Variants in HCN1 observed in about 807,000 individuals in gnomAD.
The protein encoded by HCN1 is hyperpolarization activated cyclic nucleotide gated potassium channel 1, also known as potassium/sodium hyperpolarization-activated cyclic nucleotide-gated channel 1.
HCN1 carries 13 observed loss-of-function variants against 78.9 expected under a neutral mutation model. The observed-to-expected ratio is 0.16, with a 90% confidence interval of 0.11 to 0.26. HCN1 has a LOEUF of 0.26. Among genes scored for constraint, HCN1 ranks in the 10% least tolerant of loss-of-function variants. The pLI is 1.00. For synonymous variants in HCN1, 552 were observed against 455.5 expected (o/e 1.21, Z -2.70); for missense variants, 810 against 1,154.3 (o/e 0.70, Z 4.32).
rs1031913850 is a variant in HCN1 at position 45,695,958 on chromosome 5, C to T, written c.136G>A (p.Gly46Ser). The T allele has an allele frequency of 4.5e-6, 6 of 1,329,806 alleles. No individual in the cohort carries two copies. The African/African-American group carries it at 4.7e-5, about 10-fold the overall frequency. 82.4% of individuals were successfully genotyped at this position (1,329,806 alleles called of 1,614,324 possible). A position where few individuals can be genotyped will look rare whatever the true frequency, so the allele number is the denominator to read the frequency against. The part of the protein sequence containing the change: ...EKRLGTPPGG[G>S]GAGAKEHGNS... Reference sequence around the variant, plus strand: ...CCGTGCTCCTTCGCGCCGGCCCCGCCGCCCCCCGGCGGGGTGCCCAGGCGC... The same window carrying T: ...CCGTGCTCCTTCGCGCCGGCCCCGCTGCCCCCCGGCGGGGTGCCCAGGCGC... The change falls in exon 1 of 8, where the codon GGC becomes AGC. Residue 46 changes from glycine (G) to serine (S), a missense_variant. By Grantham distance (56) the Gly-to-Ser change is moderately conservative (BLOSUM62 0). Around this residue, in one of 6 missense-constraint regions of HCN1, gnomAD observed 170 missense variants for 166.8 expected, o/e 1.02. Transcript: ENST00000303230.
chr5:45,501,200 A>G (rs78447449), intron 2 of HCN1, among the ~76,000 whole-genome samples: 4,628 of 152,248 alleles, frequency 0.03, 277 homozygotes, highest in African/African-American at 0.1. Flanking sequence ...GTGCTAAACA[A>G]TCCTGATTCT....
At position 45,264,112 on chromosome 5, in the gene HCN1, T is replaced by C. The variant is rs568332980; in HGVS notation, c.1784-1302A>G. ...CCAGCTTCCCCAGGGAATTCTTAAATGCAGCCAAGACTGAGACTGACTTTA... is the reference window on the plus strand; with the variant it reads ...CCAGCTTCCCCAGGGAATTCTTAAACGCAGCCAAGACTGAGACTGACTTTA... On this transcript the variant is annotated intron_variant, in intron 7 of 7. Coordinates refer to ENST00000303230, the MANE Select transcript of HCN1 (RefSeq NM_021072.4). Among the ~76,000 whole-genome samples the C allele has an allele frequency of 1.1e-3, 167 of 152,256 alleles. 1 individual carries two copies. Among genetic ancestry groups the C allele is most frequent in the Admixed American group, 4.3e-3 (66 of 15,284 alleles).
At chr5:45,446,730 A>G (rs373659348) in intron 3 of HCN1, among the ~76,000 whole-genome samples, 14 of 152,312 alleles carry the variant, frequency 9.2e-5, no homozygotes, top group Admixed American at 2.0e-4. Context: ...GGGGGCCAAT[A>G]TTCAACATTC....
chr5:45,502,733 A>G (rs1017298195), intron 2 of HCN1, among the ~76,000 whole-genome samples: 1 of 152,172 alleles, frequency 6.6e-6, no homozygotes, highest in African/African-American at 2.4e-5. Context: ...TGTACTAATC[A>G]CTCAACAAAT....
intron 2 of HCN1, among the ~76,000 whole-genome samples, chr5:45,627,895 T>C (rs545286811): frequency 5.3e-5 from 8 of 152,296 alleles, no homozygotes; most frequent in African/African-American, 1.9e-4. Context: ...ATTGGAAAAA[T>C]GATCACCTCC....
intron 2 of HCN1, among the ~76,000 whole-genome samples, chr5:45,553,028 A>C (rs1743398898): frequency 4.0e-5 from 6 of 151,884 alleles, no homozygotes; most frequent in Admixed American, 3.9e-4. Context: ...AACTCAGAGC[A>C]CCTGGGAAAA....
chr5:45,539,073 A>G (rs1350060148), intron 2 of HCN1, among the ~76,000 whole-genome samples: 1 of 152,162 alleles, frequency 6.6e-6, no homozygotes, highest in African/African-American at 2.4e-5. Flanking sequence ...AATACTTTCT[A>G]TTTGTAACTT....
intron 2 of HCN1, among the ~76,000 whole-genome samples, chr5:45,546,894 T>C (rs754793145): frequency 6.6e-6 from 1 of 151,898 alleles, no homozygotes; most frequent in Non-Finnish European, 1.5e-5. Flanking sequence ...AAAGTATTAC[T>C]TATATTGAAC....
At chr5:45,405,707 G>A (rs865850017) in intron 3 of HCN1, among the ~76,000 whole-genome samples, 22 of 152,130 alleles carry the variant, frequency 1.4e-4, no homozygotes, top group African/African-American at 2.9e-4. Flanking sequence ...TTTGCCCGGC[G>A]TATTTTTCTT....
intron 4 of HCN1, among the ~76,000 whole-genome samples, chr5:45,382,990 G>A (rs1747838833): frequency 6.6e-6 from 1 of 152,102 alleles, no homozygotes; most frequent in Non-Finnish European, 1.5e-5. Flanking sequence ...AATTAATTGA[G>A]ATTAAAATGA....
intron 1 of HCN1, among the ~76,000 whole-genome samples, chr5:45,683,492 T>C (rs1346293417): frequency 6.6e-6 from 1 of 152,162 alleles, no homozygotes. Context: ...TAGTTAGAAT[T>C]GTGTGCCTTA....
chr5:45,345,120 C>A (rs1007006525), intron 5 of HCN1, among the ~76,000 whole-genome samples: 2 of 152,162 alleles, frequency 1.3e-5, no homozygotes, highest in Non-Finnish European at 2.9e-5. Context: ...GTGGAAGATC[C>A]CAAGGCTTGG....
rs74511573 is a variant in HCN1 at position 45,368,783 on chromosome 5, A to C, written c.1231-15537T>G. Among the ~76,000 whole-genome samples, 21 of 152,024 alleles carry C rather than the reference A, an allele frequency of 1.4e-4. No homozygotes were observed. The East Asian group carries it at 3.9e-3, about 28-fold the overall frequency. The stretch of plus-strand genomic sequence containing the variant: ...AAGTGTAAAGTTTTTGTTTTGCCAT[A>C]TTTTTTTCTCTCATACACCGCTTCT... On this transcript the variant is annotated intron_variant, in intron 4 of 7. Transcript: ENST00000303230.
At position 45,265,751 on chromosome 5, in the gene HCN1, C is replaced by T. The variant is rs370765968; in HGVS notation, c.1783+1338G>A. On this transcript the variant is annotated intron_variant, in intron 7 of 7. Transcript: ENST00000303230. Reference sequence around the variant, plus strand: ...CTTTTTTGAGTTCATTTATTCCTTCCTCCCTTCCTACCTCTCTTCAACAAA... The same window carrying T: ...CTTTTTTGAGTTCATTTATTCCTTCTTCCCTTCCTACCTCTCTTCAACAAA... Among the ~76,000 whole-genome samples, 52 of 152,262 alleles carry T rather than the reference C, an allele frequency of 3.4e-4. No homozygotes were observed. The South Asian group carries it at 0.01, about 30-fold the overall frequency.
chr5:45,374,199 TAC>T (rs1747538710), intron 4 of HCN1, among the ~76,000 whole-genome samples: 1 of 114,376 alleles, frequency 8.7e-6, no homozygotes, highest in Non-Finnish European at 1.8e-5. Flanking sequence ...ATACATTATA[TAC>T]ATAACATATA....
intron 1 of HCN1, among the ~76,000 whole-genome samples, chr5:45,666,582 T>C (rs1362790028): frequency 6.6e-6 from 1 of 152,108 alleles, no homozygotes. Context: ...TTTTCCTTCA[T>C]ATACATAAAA....
intron 6 of HCN1, among the ~76,000 whole-genome samples, chr5:45,282,998 A>G (rs992563177): frequency 6.6e-6 from 1 of 152,216 alleles, no homozygotes; most frequent in Non-Finnish European, 1.5e-5. Flanking sequence ...AAAGGTAATT[A>G]CAAACTTGTA....
intron 5 of HCN1, among the ~76,000 whole-genome samples, chr5:45,334,729 C>A (rs530923042): frequency 5.3e-5 from 8 of 151,956 alleles, no homozygotes; most frequent in African/African-American, 1.9e-4. Context: ...AAGAGTGACA[C>A]ACAATATGCT....
In HCN1 at chr5:45,499,130, G is replaced by A. The variant is rs1742129217; in HGVS notation, c.850-37123C>T. Among the ~76,000 whole-genome samples, 3 of 152,212 alleles carry A rather than the reference G, an allele frequency of 2.0e-5. No individual in the cohort carries two copies. The South Asian group carries it at 6.2e-4, about 32-fold the overall frequency. On this transcript the variant is annotated intron_variant, in intron 2 of 7. Transcript: ENST00000303230. ...TCCACCCAGTTCAGGTTTCCTGGCT[G>A]CTTTGTTTACCTAAGCAAGCCTGGG...
Sources: allele counts gnomAD v4.1 joint callset (sites outside exome capture counted in the v4.1 genomes callset), GRCh38; gene constraint gnomAD v4.1.1; regional missense constraint gnomAD v4.1.1; transcripts MANE v1.5; gene names NCBI Gene and HGNC (gene_info 2026-07-23, HGNC 2026-07-21).